Variants in TMEM132C observed in about 807,000 individuals in gnomAD.
TMEM132C encodes protein phosphatase 1, regulatory subunit 152.
In TMEM132C, 29 loss-of-function variants were observed where a neutral mutation model predicts 61.4. The ratio of observed to expected loss-of-function variants is 0.47; its 90% CI spans 0.35 to 0.64. The LOEUF (loss-of-function observed/expected upper bound fraction) is 0.64, where lower values mean the gene tolerates loss of function less well. TMEM132C is among the 30% of genes least tolerant of loss of function. TMEM132C has a pLI of 0.00. For synonymous variants in TMEM132C, 656 were observed against 633.1 expected (o/e 1.04, Z -0.54); for missense variants, 1,408 against 1,476.9 (o/e 0.95, Z 0.76).
At chr12:128,435,929 G>A (rs1035964554) in intron 2 of TMEM132C, among the ~76,000 whole-genome samples, 17 of 152,162 alleles carry the variant, frequency 1.1e-4, no homozygotes, top group African/African-American at 2.2e-4. Flanking sequence ...AAAACAGCAC[G>A]GTACTGGTAC....
intron 1 of TMEM132C, among the ~76,000 whole-genome samples, chr12:128,306,020 T>A (rs73432742): frequency 0.021 from 3,251 of 152,220 alleles, 97 homozygotes; most frequent in African/African-American, 0.072. Context: ...GTTAATGAAG[T>A]CAGTCTGAGT....
At chr12:128,346,778 C>T (rs894515135) in intron 1 of TMEM132C, among the ~76,000 whole-genome samples, 3 of 152,222 alleles carry the variant, frequency 2.0e-5, no homozygotes, top group East Asian at 3.9e-4. Context: ...TTGGCACCCT[C>T]GTCAAAAATA....
chr12:128,374,586 C>G (rs1481211296), intron 1 of TMEM132C, among the ~76,000 whole-genome samples: 1 of 152,052 alleles, frequency 6.6e-6, no homozygotes, highest in Non-Finnish European at 1.5e-5. Context: ...TCTTTTGCAC[C>G]TTTATGCCAA....
intron 1 of TMEM132C, among the ~76,000 whole-genome samples, chr12:128,301,523 T>G (rs1015198489): frequency 1.3e-5 from 2 of 152,228 alleles, no homozygotes; most frequent in Non-Finnish European, 2.9e-5. Flanking sequence ...ATGACTGCCA[T>G]GCTTCTGCCC....
chr12:128,436,826 A>G (rs1265359857), intron 2 of TMEM132C, among the ~76,000 whole-genome samples: 9 of 152,160 alleles, frequency 5.9e-5, no homozygotes, highest in African/African-American at 1.9e-4. Flanking sequence ...AAATCATACT[A>G]CTATAAAGAC....
chr12:128,382,901 T>A (rs1874448528), intron 1 of TMEM132C, among the ~76,000 whole-genome samples: 1 of 152,048 alleles, frequency 6.6e-6, no homozygotes, highest in Non-Finnish European at 1.5e-5. Context: ...TATATGTATC[T>A]GTGTATGTGT....
chr12:128,318,345 C>T (rs1872219482), intron 1 of TMEM132C, among the ~76,000 whole-genome samples: 1 of 152,162 alleles, frequency 6.6e-6, no homozygotes, highest in African/African-American at 2.4e-5. Context: ...ATGTTACTTG[C>T]ATTTTCCTGG....
chr12:128,665,802 TTCACAGGCACAC>T (rs1954458587), intron 4 of TMEM132C, among the ~76,000 whole-genome samples: 1 of 72,904 alleles, frequency 1.4e-5, no homozygotes, highest in African/African-American at 5.7e-5. Flanking sequence ...CACACACACA[TTCACAGGCACAC>T]ACACATTCAC....
chr12:128,582,805 A>G (rs1157934338), intron 3 of TMEM132C, among the ~76,000 whole-genome samples: 1 of 152,130 alleles, frequency 6.6e-6, no homozygotes, highest in Non-Finnish European at 1.5e-5. Context: ...ATGAAAACAG[A>G]CTGATATACC....
Position 128,340,916 on chromosome 12 carries a change from TTCTCTCTC to T in TMEM132C, c.85+73451_85+73458del, listed in dbSNP as rs71989914. On this transcript the variant is annotated intron_variant, in intron 1 of 8. Coordinates refer to ENST00000435159, the MANE Select transcript of TMEM132C (RefSeq NM_001136103.3). ...TTTCTTTCTCTCTTTCTCTCTCTCTTTCTCTCTCTCTCTCTCTCTCTCTCTCTCTTTCT... is the reference window on the plus strand; with the variant it reads ...TTTCTTTCTCTCTTTCTCTCTCTCTTTCTCTCTCTCTCTCTCTCTCTTTCT... Among the ~76,000 whole-genome samples the T allele has an allele frequency of 9.9e-3, 1,266 of 128,328 alleles. 15 individuals are homozygous for T. Among genetic ancestry groups the T allele is most frequent in the East Asian group, 0.032 (146 of 4,632 alleles). The allele number at this position is 128,328 out of a possible 152,430, so 84.2% of individuals were successfully genotyped here.
At chr12:128,661,546 G>A (rs1414467874) in intron 4 of TMEM132C, among the ~76,000 whole-genome samples, 3 of 146,364 alleles carry the variant, frequency 2.0e-5, no homozygotes, top group African/African-American at 7.8e-5. Flanking sequence ...TCACTTCTGG[G>A]ATGAGAAGAT....
intron 1 of TMEM132C, among the ~76,000 whole-genome samples, chr12:128,348,808 A>G (rs563964107): frequency 3.9e-5 from 6 of 152,364 alleles, no homozygotes; most frequent in East Asian, 3.9e-4. Context: ...TGCAGCTCAA[A>G]CACGCAGTTT....
In TMEM132C at chr12:128,414,045, A is replaced by G. The variant is rs563332530; in HGVS notation, c.86-687A>G. ...TATGTACGGTGTGGAGTGTGGATCTACTTTTTTCTTAATGGCTGTACAGTT... is the reference window on the plus strand; with the variant it reads ...TATGTACGGTGTGGAGTGTGGATCTGCTTTTTTCTTAATGGCTGTACAGTT... On this transcript the variant is annotated intron_variant, in intron 1 of 8. Coordinates refer to ENST00000435159, the MANE Select transcript of TMEM132C (RefSeq NM_001136103.3). 1.3e-4 allele frequency among the ~76,000 whole-genome samples: 19 copies of G among 151,688 alleles called. No homozygotes were observed. In the South Asian group the frequency reaches 4.0e-3, roughly 32 times the overall value.
At chr12:128,286,775 G>A (rs1263203739) in intron 1 of TMEM132C, among the ~76,000 whole-genome samples, 1 of 152,140 alleles carries the variant, frequency 6.6e-6, no homozygotes, top group East Asian at 1.9e-4. Context: ...TCCAGTCCAT[G>A]CAGCTGGAGT....
At chr12:128,587,451 A>G (rs890999376) in intron 3 of TMEM132C, among the ~76,000 whole-genome samples, 2 of 152,162 alleles carry the variant, frequency 1.3e-5, no homozygotes, top group African/African-American at 4.8e-5. Flanking sequence ...TCATGACCTA[A>G]TCACCTCGCT....
intron 3 of TMEM132C, among the ~76,000 whole-genome samples, chr12:128,549,351 C>G (rs938302087): frequency 6.6e-6 from 1 of 152,176 alleles, no homozygotes; most frequent in Non-Finnish European, 1.5e-5. Flanking sequence ...ACCACCCAGA[C>G]ATACGGGGTG....
chr12:128,642,352 G>C (rs192668861), intron 4 of TMEM132C, among the ~76,000 whole-genome samples: 1 of 152,012 alleles, frequency 6.6e-6, no homozygotes, highest in Non-Finnish European at 1.5e-5. Context: ...GGCTGGTCTC[G>C]AACTCCTGAG....
At chr12:128,285,961 A>C (rs1242980531) in intron 1 of TMEM132C, among the ~76,000 whole-genome samples, 110 of 26,478 alleles carry the variant, frequency 4.2e-3, no homozygotes, top group Admixed American at 8.2e-3. Flanking sequence ...CTCTCTCCCC[A>C]TCTCTATCTC....
rs549331103 is a variant in TMEM132C at position 128,603,262 on chromosome 12, G to A, written c.1122-12890G>A. Among the ~76,000 whole-genome samples the A allele has an allele frequency of 1.2e-4, 18 of 152,332 alleles. No individual in the cohort carries two copies. In the East Asian group the frequency reaches 2.9e-3, roughly 25 times the overall value. ...TCACAGGGCCAGGCTAGATTCAGGCGGGTGAGGAGACAGATGCTCCTCTTG... is the reference window on the plus strand; with the variant it reads ...TCACAGGGCCAGGCTAGATTCAGGCAGGTGAGGAGACAGATGCTCCTCTTG... On this transcript the variant is annotated intron_variant, in intron 3 of 8. Coordinates refer to ENST00000435159, the MANE Select transcript of TMEM132C (RefSeq NM_001136103.3).
Sources: gnomAD v4.1 joint callset for allele counts (sites outside exome capture counted in the v4.1 genomes callset) on GRCh38, gnomAD v4.1.1 for gene constraint, MANE v1.5 for transcripts, NCBI Gene and HGNC (gene_info 2026-07-23, HGNC 2026-07-21) for gene names.